The following STAU2 variants were observed in gnomAD, a reference collection of about 807,000 sequenced individuals.
The protein encoded by STAU2 is staufen double-stranded RNA binding protein 2, also known as double-stranded RNA-binding protein Staufen homolog 2.
STAU2 carries 20 observed loss-of-function variants against 65.9 expected under a neutral mutation model. The ratio of observed to expected loss-of-function variants is 0.30; its 90% CI spans 0.21 to 0.44. The LOEUF (loss-of-function observed/expected upper bound fraction) is 0.44. Among genes scored for constraint, STAU2 ranks in the 20% least tolerant of loss-of-function variants. STAU2 has a pLI of 1.00. For missense variants in STAU2, 558 were observed against 683.9 expected, an observed-to-expected ratio of 0.82 and a Z score of 2.05; for synonymous variants, 232 against 233.9, an observed-to-expected ratio of 0.99 and a Z score of 0.07.
chr8:73,573,733 C>T (rs1280746843), intron 12 of STAU2, among the ~76,000 whole-genome samples: 2 of 152,134 alleles, frequency 1.3e-5, no homozygotes, highest in Admixed American at 6.5e-5. Context: ...CTTCCTTACA[C>T]CTTATACAAA....
intron 9 of STAU2, among the ~76,000 whole-genome samples, chr8:73,604,708 C>T (rs1811887153): frequency 6.6e-6 from 1 of 152,118 alleles, no homozygotes; most frequent in Admixed American, 6.5e-5. Context: ...ACAGAAAATA[C>T]ATATTAAAAA....
chr8:73,631,230 T>C (rs1232356614), intron 6 of STAU2, among the ~76,000 whole-genome samples: 2 of 152,120 alleles, frequency 1.3e-5, no homozygotes. Flanking sequence ...TGGTACACCC[T>C]TGTAGTTCCA....
At chr8:73,486,707 G>GT (rs1820934686) in intron 13 of STAU2, among the ~76,000 whole-genome samples, 1 of 149,728 alleles carries the variant, frequency 6.7e-6, no homozygotes, top group East Asian at 2.0e-4. Context: ...AGACTGGAGT[G>GT]TAGTGGCATA....
intron 13 of STAU2, among the ~76,000 whole-genome samples, chr8:73,435,347 G>A (rs1216545803): frequency 6.6e-6 from 1 of 151,852 alleles, no homozygotes; most frequent in African/African-American, 2.4e-5. Context: ...TCTCCACAGT[G>A]TGTCCACAGA....
At chr8:73,648,784 T>A (rs991240132) in intron 6 of STAU2, among the ~76,000 whole-genome samples, 5 of 152,168 alleles carry the variant, frequency 3.3e-5, no homozygotes, top group Non-Finnish European at 7.3e-5. Context: ...TTCAGTTGTG[T>A]CTTGTTTTTC....
chr8:73,713,499 T>G (rs1267686349), intron 3 of STAU2, among the ~76,000 whole-genome samples: 2 of 152,110 alleles, frequency 1.3e-5, no homozygotes, highest in Non-Finnish European at 2.9e-5. Flanking sequence ...AAAAACTCCT[T>G]AGACAAAGGG....
intron 6 of STAU2, among the ~76,000 whole-genome samples, chr8:73,649,299 C>T (rs79734652): frequency 0.012 from 1,751 of 152,218 alleles, 12 homozygotes; most frequent in Middle Eastern, 0.02. Flanking sequence ...AACGTCTCAT[C>T]ACTTCATACA....
chr8:73,691,996 T>C (rs1819349671), intron 4 of STAU2, among the ~76,000 whole-genome samples: 1 of 152,074 alleles, frequency 6.6e-6, no homozygotes, highest in Non-Finnish European at 1.5e-5. Context: ...CCCATTCCTA[T>C]CCACCACGGA....
At chr8:73,651,739 G>A in intron 6 of STAU2, 1 of 430,048 alleles carries the variant, frequency 2.3e-6, no homozygotes, top group East Asian at 5.2e-5. Flanking sequence ...GACCAGCCCT[G>A]TCCACGGGGC....
intron 6 of STAU2, among the ~76,000 whole-genome samples, chr8:73,640,572 G>A (rs1814881810): frequency 6.6e-6 from 1 of 152,096 alleles, no homozygotes; most frequent in African/African-American, 2.4e-5. Flanking sequence ...AAATGAGGGT[G>A]GTGGTGCTCC....
intron 6 of STAU2, among the ~76,000 whole-genome samples, chr8:73,624,501 C>T (rs555385694): frequency 2.8e-4 from 42 of 152,244 alleles, no homozygotes; most frequent in African/African-American, 9.4e-4. Flanking sequence ...TTACTATGTG[C>T]CAGGCACTAT....
At chr8:73,612,491 T>C (rs550583246) in intron 9 of STAU2, among the ~76,000 whole-genome samples, 3 of 152,304 alleles carry the variant, frequency 2.0e-5, no homozygotes, top group African/African-American at 7.2e-5. Context: ...TGAATGAAAG[T>C]GCCAGTCCTC....
chr8:73,513,420 G>A (rs991181341), intron 13 of STAU2, among the ~76,000 whole-genome samples: 2 of 152,148 alleles, frequency 1.3e-5, no homozygotes, highest in African/African-American at 4.8e-5. Flanking sequence ...CTGCCCATGG[G>A]TCTGTGGTTG....
Position 73,595,186 on chromosome 8 carries a change from G to A in STAU2, c.1141C>T (p.Leu381Phe). The A allele has an allele frequency of 1.6e-5, 25 of 1,606,348 alleles. No homozygotes were observed. The highest frequency in any genetic ancestry group is 2.1e-5 in the Non-Finnish European group (25 of 1,177,446). The change falls in exon 11 of 15, where the codon CTT (leucine) becomes TTT (phenylalanine). Residue 381 changes from leucine to phenylalanine, a missense_variant. Physicochemically the swap from Leu to Phe is conservative, Grantham distance 22. Transcript: ENST00000524300. The part of the protein sequence containing the change: ...LQLGYKASTN[L>F]QDQLEKTGEN... ...CTTACCTTCTCAAGTTGATCCTGAA[G>A]ATTAGTGGATGCTTTATAACCAAGT...
intron 6 of STAU2, chr8:73,651,615 T>A (rs1815885233): frequency 3.2e-6 from 2 of 630,028 alleles, no homozygotes; most frequent in South Asian, 3.1e-5. Flanking sequence ...CCTGGCTCCT[T>A]CTGGGGTCTC....
At chr8:73,485,720 G>A (rs1478613608) in intron 13 of STAU2, among the ~76,000 whole-genome samples, 1 of 152,060 alleles carries the variant, frequency 6.6e-6, no homozygotes. Context: ...TATAGTCCCA[G>A]CTACTCAGGA....
intron 1 of STAU2, among the ~76,000 whole-genome samples, chr8:73,744,983 C>T (rs1176309350): frequency 6.6e-6 from 1 of 152,198 alleles, no homozygotes; most frequent in Non-Finnish European, 1.5e-5. Flanking sequence ...CAGCAACATT[C>T]TTACAAATAC....
intron 3 of STAU2, among the ~76,000 whole-genome samples, chr8:73,711,131 CAA>C (rs751087630): frequency 0.068 from 2,100 of 30,792 alleles, 21 homozygotes; most frequent in African/African-American, 0.18. Context: ...AAGTGGCTTG[CAA>C]AAAAAAAAAA....
At chr8:73,583,615 C>A (rs1451831103) in intron 11 of STAU2, among the ~76,000 whole-genome samples, 1 of 151,550 alleles carries the variant, frequency 6.6e-6, no homozygotes, top group Non-Finnish European at 1.5e-5. Context: ...TGGTAAGGGT[C>A]ACCAAATACT....
Sources: allele counts gnomAD v4.1 joint callset (sites outside exome capture counted in the v4.1 genomes callset), GRCh38; gene constraint gnomAD v4.1.1; transcripts MANE v1.5; gene names NCBI Gene and HGNC (gene_info 2026-07-23, HGNC 2026-07-21).